Variants in ASTN2 observed in about 807,000 individuals in gnomAD.
ASTN2 encodes astrotactin 2.
ASTN2 carries 54 observed loss-of-function variants against 139.8 expected under a neutral mutation model. The observed-to-expected ratio is 0.39, with a 90% confidence interval of 0.31 to 0.48. The LOEUF (loss-of-function observed/expected upper bound fraction) is 0.48. Ranked by LOEUF, ASTN2 falls within the 20% of genes least tolerant of loss-of-function variation. ASTN2 has a pLI of 0.95. For missense variants in ASTN2, 1,565 were observed against 1,725.1 expected, an observed-to-expected ratio of 0.91 and a Z score of 1.64; for synonymous variants, 756 against 719.5, an observed-to-expected ratio of 1.05 and a Z score of -0.81.
chr9:116,662,826 C>T (rs1197005429), intron 16 of ASTN2, among the ~76,000 whole-genome samples: 2 of 152,104 alleles, frequency 1.3e-5, no homozygotes, highest in Admixed American at 6.6e-5. Flanking sequence ...ATCCTCACAA[C>T]AGTGCCTTGG....
intron 17 of ASTN2, among the ~76,000 whole-genome samples, chr9:116,630,756 C>G (rs1856706271): frequency 6.6e-6 from 1 of 151,906 alleles, no homozygotes; most frequent in Non-Finnish European, 1.5e-5. Flanking sequence ...AGGAAACAGT[C>G]AATAGAGGGA....
rs185054337 is a variant in ASTN2, at chr9:117,304,156, G to A, written c.443-12643C>T. 1.2e-3 allele frequency among the ~76,000 whole-genome samples: 178 copies of A among 152,294 alleles called. 1 individual carries two copies. Among genetic ancestry groups the A allele is most frequent in the African/African-American group, 3.7e-3 (155 of 41,556 alleles). On this transcript the variant is annotated intron_variant, in intron 1 of 22. Transcript: ENST00000313400. ...TACGAAGTGCCCAACTAAGCTCAGC[G>A]TAAATAACCAGCCCATATAAATAGG...
At chr9:116,873,442 A>C (rs1388398587) in intron 10 of ASTN2, among the ~76,000 whole-genome samples, 2 of 152,200 alleles carry the variant, frequency 1.3e-5, no homozygotes, top group Non-Finnish European at 1.5e-5. Context: ...CATACTGAGG[A>C]GGCATGGCCA....
chr9:116,540,683 C>T (rs1851840016), intron 19 of ASTN2: 1 of 152,134 alleles, frequency 6.6e-6, no homozygotes, highest in Non-Finnish European at 1.5e-5. Flanking sequence ...ACAGGACTTT[C>T]CAAAAGGAAA....
chr9:116,698,482 A>AGCAGG lies in ASTN2; in HGVS notation c.2806+27284_2806+27288dup, dbSNP rs771537352. On this transcript the variant is annotated intron_variant, in intron 16 of 22. Coordinates refer to ENST00000313400, the MANE Select transcript of ASTN2 (RefSeq NM_001365068.1). This position sits in a 1 kb window ranked among gnomAD's most constrained non-coding sequence, Gnocchi z 4.4. ...TGTGACTACTTCCTGGCCAAGATCA[A>AGCAGG]GCAGGCAGATGTAGCACTACTGGAG... The AGCAGG allele has an allele frequency of 1.9e-6, 3 of 1,613,948 alleles. No homozygotes were observed. The South Asian group carries it at 3.3e-5, about 18-fold the overall frequency.
chr9:117,058,142 C>G (rs555714742), intron 5 of ASTN2, among the ~76,000 whole-genome samples: 2 of 152,138 alleles, frequency 1.3e-5, no homozygotes, highest in African/African-American at 4.8e-5. Flanking sequence ...TTCTCTAACA[C>G]CAAACCTGGT....
At chr9:116,966,992 C>T (rs1169579615) in intron 10 of ASTN2, among the ~76,000 whole-genome samples, 1 of 152,158 alleles carries the variant, frequency 6.6e-6, no homozygotes, top group Admixed American at 6.5e-5. Context: ...CCTGATTCGG[C>T]CACATACTAC....
chr9:116,940,924 G>C (rs1192813818), intron 10 of ASTN2, among the ~76,000 whole-genome samples: 2 of 152,110 alleles, frequency 1.3e-5, no homozygotes, highest in Admixed American at 1.3e-4. Flanking sequence ...GTTTAGATAT[G>C]CTCAGATACA....
chr9:117,402,615 T>C (rs1324258237), intron 1 of ASTN2, among the ~76,000 whole-genome samples: 1 of 152,200 alleles, frequency 6.6e-6, no homozygotes, highest in Non-Finnish European at 1.5e-5. Flanking sequence ...TCAGTTCACT[T>C]TGAATTTCAG....
At chr9:116,983,951 A>T (rs1359467053) in intron 7 of ASTN2, among the ~76,000 whole-genome samples, 1 of 152,072 alleles carries the variant, frequency 6.6e-6, no homozygotes, top group Non-Finnish European at 1.5e-5. Flanking sequence ...AAAGATGCTT[A>T]CTTATAGTTG....
intron 6 of ASTN2, among the ~76,000 whole-genome samples, chr9:117,016,636 A>ATCCTATATATATGTTACATATATAGGT (rs1837700122): frequency 4.7e-5 from 1 of 21,434 alleles, no homozygotes; most frequent in African/African-American, 1.3e-4. Context: ...ATATATATAT[A>ATCCTATATATATGTTACATATATAGGT]TATATATATA....
rs1424677150 is a variant in ASTN2 at position 117,151,267 on chromosome 9, C to T, written c.1016-9789G>A. ...AGCATGGACAGTGGAATCCAATAAT[C>T]CAATGAGAATCAGAGTCACTAGCCA... On this transcript the variant is annotated intron_variant, in intron 3 of 22. Coordinates refer to ENST00000313400, the MANE Select transcript of ASTN2 (RefSeq NM_001365068.1). Among the ~76,000 whole-genome samples the T allele has an allele frequency of 2.0e-5, 3 of 152,144 alleles. No individual in the cohort carries two copies. The East Asian group carries it at 5.8e-4, about 29-fold the overall frequency.
chr9:116,775,775 AAGGAGGGAAGG>A (rs6151139), intron 13 of ASTN2, among the ~76,000 whole-genome samples: 84 of 115,272 alleles, frequency 7.3e-4, no homozygotes, highest in African/African-American at 2.0e-3. Context: ...GGAAAGGGGG[AAGGAGGGAAGG>A]AGGAGGGAAG....
At chr9:116,580,168 T>C (rs951175104) in intron 19 of ASTN2, among the ~76,000 whole-genome samples, 3 of 152,192 alleles carry the variant, frequency 2.0e-5, no homozygotes, top group African/African-American at 7.2e-5. Context: ...CTAGAGGCCC[T>C]TCGTTGTTTC....
chr9:116,964,643 GC>G (rs1835964565), intron 10 of ASTN2, among the ~76,000 whole-genome samples: 4 of 152,176 alleles, frequency 2.6e-5, no homozygotes, highest in Admixed American at 2.6e-4. Flanking sequence ...GTTTAAACAA[GC>G]CTTTGAAACT....
chr9:116,431,735 A>G (rs1191792116), intron 22 of ASTN2, among the ~76,000 whole-genome samples: 1 of 152,130 alleles, frequency 6.6e-6, no homozygotes, highest in African/African-American at 2.4e-5. Context: ...ATTATTTTAC[A>G]TCTAATCCCT....
At chr9:116,433,317 A>G (rs1847553757) in intron 22 of ASTN2, among the ~76,000 whole-genome samples, 1 of 152,246 alleles carries the variant, frequency 6.6e-6, no homozygotes, top group African/African-American at 2.4e-5. Context: ...AAACAGAAAC[A>G]GGCAGATAAC....
At chr9:117,405,451 G>A (rs1342167058) in intron 1 of ASTN2, among the ~76,000 whole-genome samples, 1 of 152,144 alleles carries the variant, frequency 6.6e-6, no homozygotes, top group African/African-American at 2.4e-5. Flanking sequence ...TGGCACCTGG[G>A]ACATAGTACA....
At chr9:117,008,667 C>T (rs1837428443) in intron 6 of ASTN2, among the ~76,000 whole-genome samples, 1 of 152,238 alleles carries the variant, frequency 6.6e-6, no homozygotes, top group East Asian at 1.9e-4. Flanking sequence ...GCTGAGCTGG[C>T]ACCTGACTTA....
Sources: allele counts gnomAD v4.1 joint callset (sites outside exome capture counted in the v4.1 genomes callset), GRCh38; gene constraint gnomAD v4.1.1; non-coding constraint Gnocchi (gnomAD v3.1); transcripts MANE v1.5; gene names NCBI Gene and HGNC (gene_info 2026-07-23, HGNC 2026-07-21).